The following VPS53 variants were observed in gnomAD, a reference collection of about 807,000 sequenced individuals.
VPS53 encodes VPS53 subunit of GARP complex.
A neutral mutation model predicts 107.0 loss-of-function variants in VPS53; 70 were observed. The ratio of observed to expected loss-of-function variants is 0.65; its 90% CI spans 0.54 to 0.80. VPS53 has a LOEUF of 0.80. Ranked by LOEUF, VPS53 falls within the 30% of genes least tolerant of loss-of-function variation. The pLI, the probability that VPS53 is intolerant of heterozygous loss-of-function variation, is 0.00. For missense variants in VPS53, 917 were observed against 1,049.4 expected, an observed-to-expected ratio of 0.87 and a Z score of 1.74; for synonymous variants, 409 against 393.3, an observed-to-expected ratio of 1.04 and a Z score of -0.47.
At chr17:635,714 T>C (rs1342793766) in intron 7 of VPS53, among the ~76,000 whole-genome samples, 1 of 152,138 alleles carries the variant, frequency 6.6e-6, no homozygotes, top group East Asian at 1.9e-4. Context: ...TGTAGATGTG[T>C]GGTATTATTT....
chr17:672,402 T>C (rs1392840040), intron 4 of VPS53, among the ~76,000 whole-genome samples: 6 of 152,144 alleles, frequency 3.9e-5, no homozygotes, highest in Non-Finnish European at 7.3e-5. Context: ...TTGAATGAGT[T>C]TATAAAGCAC....
intron 13 of VPS53, among the ~76,000 whole-genome samples, chr17:574,208 T>A (rs1261526841): frequency 6.6e-6 from 1 of 152,182 alleles, no homozygotes; most frequent in African/African-American, 2.4e-5. Flanking sequence ...ATCTGCTCCT[T>A]CCTTAGTGCT....
chr17:638,293 T>G (rs931925762), intron 7 of VPS53, among the ~76,000 whole-genome samples: 6 of 152,200 alleles, frequency 3.9e-5, no homozygotes, highest in African/African-American at 1.4e-4. Context: ...TCCCTTTATT[T>G]TGAGCCTATG....
rs778004226 is a variant in VPS53, at chr17:714,676, C to T, written c.34G>A (p.Glu12Lys). The T allele has an allele frequency of 6.2e-7, 1 of 1,613,492 alleles. No homozygotes were observed. Among genetic ancestry groups the T allele is most frequent in the South Asian group, 1.1e-5 (1 of 91,072 alleles). ...MEEEELEFVE[E>K]LEAVLQLTPE... ...GTGAGCTGCAGCACGGCTTCCAGCT[C>T]CTCCACGAACTCCAGTTCCTCCTCC... is the stretch of plus-strand genomic sequence containing the variant. The change falls in exon 1 of 22, where the codon GAG (glutamate) becomes AAG (lysine). Residue 12 changes from glutamate to lysine, a missense_variant. Physicochemically the swap from Glu to Lys is moderately conservative, Grantham distance 56. Coordinates refer to ENST00000437048, the MANE Select transcript of VPS53 (RefSeq NM_001128159.3).
chr17:529,945 G>A (rs1358132369), intron 19 of VPS53, among the ~76,000 whole-genome samples: 1 of 151,630 alleles, frequency 6.6e-6, no homozygotes, highest in African/African-American at 2.4e-5. Context: ...GTTGAGGCAG[G>A]AGGATGGCTT....
At chr17:539,837 T>A (rs1367354475) in intron 17 of VPS53, among the ~76,000 whole-genome samples, 1 of 152,176 alleles carries the variant, frequency 6.6e-6, no homozygotes, top group Non-Finnish European at 1.5e-5. Flanking sequence ...CTCACTAAGT[T>A]CTCACAACAA....
At chr17:713,214 T>C (rs538354314) in intron 1 of VPS53, among the ~76,000 whole-genome samples, 1 of 151,766 alleles carries the variant, frequency 6.6e-6, no homozygotes, top group Non-Finnish European at 1.5e-5. Context: ...AAAAAAAAAG[T>C]TTCCCAGGGG....
intron 5 of VPS53, chr17:657,505 G>A (rs1304229835): frequency 2.7e-6 from 4 of 1,488,218 alleles, no homozygotes; most frequent in Non-Finnish European, 3.7e-6. Context: ...CAATGCTTTG[G>A]AGCTGCTACC....
chr17:658,424 T>G (rs1265442642), intron 5 of VPS53, among the ~76,000 whole-genome samples: 131 of 114,346 alleles, frequency 1.1e-3, no homozygotes, highest in Middle Eastern at 8.6e-3. Flanking sequence ...AACTCGGCCG[T>G]GAGTTCGTGG....
intron 19 of VPS53, 57 bp downstream of exon 19, chr17:532,784 TG>T: frequency 6.2e-7 from 1 of 1,603,050 alleles, no homozygotes; most frequent in Non-Finnish European, 8.5e-7. Context: ...TAGAAGAATA[TG>T]TGCTTGATCT....
intron 12 of VPS53, among the ~76,000 whole-genome samples, chr17:589,315 A>G (rs1416343817): frequency 6.6e-6 from 1 of 152,114 alleles, no homozygotes; most frequent in Non-Finnish European, 1.5e-5. Context: ...TCACTTTAAA[A>G]TGGCTACATT....
At chr17:591,038 T>C (rs1967617730) in intron 12 of VPS53, among the ~76,000 whole-genome samples, 1 of 152,120 alleles carries the variant, frequency 6.6e-6, no homozygotes, top group African/African-American at 2.4e-5. Flanking sequence ...AGCTATTGAT[T>C]ATTGCCACAA....
chr17:591,486 G>A (rs943335540), intron 12 of VPS53, among the ~76,000 whole-genome samples: 3 of 151,960 alleles, frequency 2.0e-5, no homozygotes, highest in East Asian at 1.9e-4. Context: ...GTCAATTTTG[G>A]ATCTTTCCTG....
At chr17:617,180 G>A (rs1448616042) in intron 11 of VPS53, among the ~76,000 whole-genome samples, 2 of 152,208 alleles carry the variant, frequency 1.3e-5, no homozygotes, top group East Asian at 3.8e-4. Context: ...CTCCCAGGGT[G>A]GGGCCTGTGC....
chr17:566,265 C>CA (rs1267446720), intron 13 of VPS53, among the ~76,000 whole-genome samples: 1 of 151,914 alleles, frequency 6.6e-6, no homozygotes. Context: ...CCACGGTAGG[C>CA]AATGCTAATC....
chr17:633,161 C>G (rs1289401122), intron 7 of VPS53, among the ~76,000 whole-genome samples: 2 of 152,194 alleles, frequency 1.3e-5, no homozygotes, highest in Admixed American at 1.3e-4. Context: ...GATCATACCC[C>G]ACGATCAATC....
chr17:560,193 G>A (rs1256274523), intron 15 of VPS53, among the ~76,000 whole-genome samples: 2 of 152,182 alleles, frequency 1.3e-5, no homozygotes, highest in Admixed American at 6.5e-5. Flanking sequence ...ACAACTCCAG[G>A]GAGGTGACCA....
chr17:533,860 G>T (rs1235164337), intron 18 of VPS53, among the ~76,000 whole-genome samples: 3 of 148,948 alleles, frequency 2.0e-5, no homozygotes, highest in Non-Finnish European at 4.5e-5. Flanking sequence ...TTTTTTTTGA[G>T]ACAGAGTCTC....
chr17:701,512 G>C (rs1196188909), intron 2 of VPS53, among the ~76,000 whole-genome samples: 1 of 150,840 alleles, frequency 6.6e-6, no homozygotes, highest in Non-Finnish European at 1.5e-5. Context: ...CGAGTAGCTG[G>C]GATTACAGGC....
Sources: allele counts gnomAD v4.1 joint callset (sites outside exome capture counted in the v4.1 genomes callset), GRCh38; gene constraint gnomAD v4.1.1; transcripts MANE v1.5; gene names NCBI Gene and HGNC (gene_info 2026-07-23, HGNC 2026-07-21).